The following ADARB2 variants were observed in gnomAD, a reference collection of about 807,000 sequenced individuals.
ADARB2 encodes the protein adenosine deaminase RNA specific B2 (inactive).
Under a neutral mutation model 62.2 loss-of-function variants are expected in ADARB2, and 25 were observed. The observed-to-expected ratio is 0.40, with a 90% CI of 0.29 to 0.56. The LOEUF (loss-of-function observed/expected upper bound fraction) is 0.56, where lower values mean the gene tolerates loss of function less well. Ranked by LOEUF, ADARB2 falls within the 20% of genes least tolerant of loss-of-function variation. The pLI is 0.43. For missense variants in ADARB2, 1,071 were observed against 1,077.4 expected (o/e 0.99, Z 0.08); for synonymous variants, 572 against 500.8 (o/e 1.14, Z -1.90).
intron 4 of ADARB2, among the ~76,000 whole-genome samples, chr10:1,266,296 C>G (rs1831199765): frequency 6.6e-6 from 1 of 152,222 alleles, no homozygotes; most frequent in Admixed American, 6.5e-5. Context: ...TCCGGTGCAA[C>G]AGCGCATGTG....
At chr10:1,299,107 T>C (rs1051542213) in intron 3 of ADARB2, among the ~76,000 whole-genome samples, 1 of 151,930 alleles carries the variant, frequency 6.6e-6, no homozygotes, top group Non-Finnish European at 1.5e-5. Context: ...TGAAGCCAGC[T>C]GGAAGACACA....
chr10:1,620,284 A>G (rs1470057127), intron 1 of ADARB2, among the ~76,000 whole-genome samples: 4 of 152,224 alleles, frequency 2.6e-5, no homozygotes, highest in African/African-American at 9.6e-5. Context: ...TATGAAAATT[A>G]GAAATGAAAG....
chr10:1,457,180 C>A (rs1235627819), intron 1 of ADARB2, among the ~76,000 whole-genome samples: 1 of 152,228 alleles, frequency 6.6e-6, no homozygotes, highest in Non-Finnish European at 1.5e-5. Flanking sequence ...CAAAGGAAAT[C>A]TTCAGAGAAT....
intron 1 of ADARB2, among the ~76,000 whole-genome samples, chr10:1,713,517 C>T (rs1834978037): frequency 6.6e-6 from 1 of 152,148 alleles, no homozygotes; most frequent in South Asian, 2.1e-4. Context: ...TGTAAATGGC[C>T]ACAGCAGGAC....
chr10:1,581,893 C>A (rs181001274), intron 1 of ADARB2, among the ~76,000 whole-genome samples: 2 of 151,288 alleles, frequency 1.3e-5, no homozygotes, highest in Non-Finnish European at 2.9e-5. Flanking sequence ...GATCTCAGCA[C>A]GCTGCCCACA....
rs1196171008 is a variant in ADARB2, at chr10:1,182,599, G to A, written c.*594C>T. The A allele has an allele frequency of 3.3e-5, 5 of 152,434 alleles. No individual in the cohort carries two copies. Among genetic ancestry groups the A allele is most frequent in the South Asian group, 2.1e-4 (1 of 4,858 alleles). 9.4% of individuals were successfully genotyped at this position (152,434 alleles called of 1,614,324 possible). The stretch of plus-strand genomic sequence containing the variant: ...CCTTCACTTTGTGGGAATGGCTTTC[G>A]TTTCTCTGGTTCTATTTTAGGTGTT... On this transcript the variant is annotated 3_prime_UTR_variant, in exon 10 of 10. Coordinates refer to ENST00000381312, the MANE Select transcript of ADARB2 (RefSeq NM_018702.4).
At chr10:1,524,791 C>G (rs1173439525) in intron 1 of ADARB2, among the ~76,000 whole-genome samples, 1 of 152,126 alleles carries the variant, frequency 6.6e-6, no homozygotes. Context: ...CCAGGAACTG[C>G]TGGCTATCAC....
intron 8 of ADARB2, among the ~76,000 whole-genome samples, chr10:1,192,774 T>TA (rs1274465513): frequency 2.0e-5 from 3 of 152,194 alleles, no homozygotes; most frequent in Non-Finnish European, 4.4e-5. Context: ...ATCCTGTCTC[T>TA]ATTAAAAATA....
chr10:1,507,803 G>A (rs944663141), intron 1 of ADARB2, among the ~76,000 whole-genome samples: 4 of 152,154 alleles, frequency 2.6e-5, no homozygotes, highest in Admixed American at 6.5e-5. Context: ...GCACGTACAC[G>A]GGGAGAACTG....
chr10:1,388,969 A>G (rs1832547125), intron 1 of ADARB2, among the ~76,000 whole-genome samples: 1 of 152,238 alleles, frequency 6.6e-6, no homozygotes, highest in African/African-American at 2.4e-5. Flanking sequence ...AGTGGAACAA[A>G]AGGGGAAGTC....
chr10:1,214,065 G>A (rs984360136), intron 7 of ADARB2, among the ~76,000 whole-genome samples: 4 of 148,344 alleles, frequency 2.7e-5, no homozygotes, highest in Admixed American at 6.9e-5. Flanking sequence ...CGGACCTGCC[G>A]GTGACACATA....
At chr10:1,257,736 T>G (rs1355613780) in intron 4 of ADARB2, among the ~76,000 whole-genome samples, 1 of 152,176 alleles carries the variant, frequency 6.6e-6, no homozygotes, top group Non-Finnish European at 1.5e-5. Context: ...TGGTGTGAAT[T>G]ACCCCCAGGT....
At chr10:1,400,657 G>A (rs1832653742) in intron 1 of ADARB2, among the ~76,000 whole-genome samples, 1 of 152,162 alleles carries the variant, frequency 6.6e-6, no homozygotes, top group South Asian at 2.1e-4. Context: ...TCCTCCTCTG[G>A]GTGGGGACAA....
chr10:1,627,209 G>T (rs546248790), intron 1 of ADARB2, among the ~76,000 whole-genome samples: 2 of 151,928 alleles, frequency 1.3e-5, no homozygotes, highest in African/African-American at 4.8e-5. Flanking sequence ...GGGGCTTGAC[G>T]AGCCTCGGAT....
chr10:1,721,517 G>A (rs1197098351), intron 1 of ADARB2, among the ~76,000 whole-genome samples: 4 of 152,184 alleles, frequency 2.6e-5, no homozygotes, highest in Non-Finnish European at 5.9e-5. Context: ...ACACACACAC[G>A]CTGGACACAT....
In ADARB2 at chr10:1,576,249, T is replaced by C. The variant is rs542820939; in HGVS notation, c.100+160802A>G. ...GGTCTCAGGGTCACAGGAGGTGGCT[T>C]AGGGTCACTGTAGGGCTCAGGGTCA... is the stretch of plus-strand genomic sequence containing the variant. On this transcript the variant is annotated intron_variant, in intron 1 of 9. Coordinates refer to ENST00000381312, the MANE Select transcript of ADARB2 (RefSeq NM_018702.4). Among the ~76,000 whole-genome samples the C allele has an allele frequency of 1.1e-4, 15 of 133,986 alleles. No individual in the cohort carries two copies. The East Asian group carries it at 3.1e-3, about 27-fold the overall frequency. The allele number at this position is 133,986 out of a possible 152,430, so 87.9% of individuals were successfully genotyped here. A position where few individuals can be genotyped will look rare whatever the true frequency, so the allele number is the denominator to read the frequency against.
chr10:1,616,852 C>A (rs1391656749), intron 1 of ADARB2, among the ~76,000 whole-genome samples: 1 of 147,348 alleles, frequency 6.8e-6, no homozygotes, highest in Non-Finnish European at 1.5e-5. Context: ...CCACACCGCC[C>A]TGCTGTGCTC....
At chr10:1,724,536 A>T (rs1835138396) in intron 1 of ADARB2, among the ~76,000 whole-genome samples, 1 of 152,226 alleles carries the variant, frequency 6.6e-6, no homozygotes, top group Admixed American at 6.5e-5. Context: ...GCGCAGCAGC[A>T]GGAGGGCCTG....
rs551967582 is a variant in ADARB2, at chr10:1,472,743, C to T, written c.101-93583G>A. Among the ~76,000 whole-genome samples, 100 of 152,060 alleles carry T rather than the reference C, an allele frequency of 6.6e-4. 1 individual carries two copies. The highest frequency in any genetic ancestry group is 2.3e-3 in the African/African-American group (97 of 41,488). The stretch of plus-strand genomic sequence containing the variant: ...TAAGTGATTTATTGAGTAATTTTAG[C>T]GATGGGAGGGCCCTGCCTGGGGATC... On this transcript the variant is annotated intron_variant, in intron 1 of 9. Transcript: ENST00000381312.
Sources: gnomAD v4.1 joint callset for allele counts (sites outside exome capture counted in the v4.1 genomes callset) on GRCh38, gnomAD v4.1.1 for gene constraint, MANE v1.5 for transcripts, NCBI Gene and HGNC (gene_info 2026-07-23, HGNC 2026-07-21) for gene names.